TASP1: variants seen among roughly 807,000 people sequenced by gnomAD.
The protein encoded by TASP1 is taspase 1.
In TASP1, 16 loss-of-function variants were observed where a neutral mutation model predicts 56.6. That is an observed-to-expected ratio of 0.28 (90% CI 0.19 to 0.43). The LOEUF (loss-of-function observed/expected upper bound fraction) is 0.43. Ranked by LOEUF, TASP1 falls within the 20% of genes least tolerant of loss-of-function variation. TASP1 has a pLI of 1.00. For missense variants in TASP1, 393 were observed against 511.6 expected (o/e 0.77, Z 2.24); for synonymous variants, 179 against 184.2 (o/e 0.97, Z 0.23).
the TASP1 span, among the ~76,000 whole-genome samples, chr20:13,176,015 A>G: frequency 5.9e-5 from 9 of 152,234 alleles, no homozygotes; most frequent in Non-Finnish European, 1.0e-4. Flanking sequence ...AGAAATGTCA[A>G]AATATAATAA....
At chr20:13,363,075 G>A in the TASP1 span, among the ~76,000 whole-genome samples, 2 of 151,912 alleles carry the variant, frequency 1.3e-5, no homozygotes, top group African/African-American at 4.8e-5. Context: ...GTGAACCTGA[G>A]TGATAGGAGT....
At chr20:13,498,326 TTCTTTTG>T (rs1208515722) in intron 10 of TASP1, among the ~76,000 whole-genome samples, 5 of 141,586 alleles carry the variant, frequency 3.5e-5, no homozygotes, top group Non-Finnish European at 7.6e-5. Context: ...ACTTTTTCTT[TTCTTTTG>T]TGTGTGTGTG....
the TASP1 span, among the ~76,000 whole-genome samples, chr20:13,297,439 G>A: frequency 6.6e-6 from 1 of 152,134 alleles, no homozygotes; most frequent in African/African-American, 2.4e-5. Context: ...TCTGTTTCCT[G>A]AAATCACTTC....
chr20:13,299,613 GT>G, the TASP1 span: 13 of 759,708 alleles, frequency 1.7e-5, no homozygotes, highest in Non-Finnish European at 2.7e-5. The surrounding 1 kb of genome is among the most constrained non-coding windows in gnomAD (Gnocchi z 5.8). Context: ...CTAGGGGCGT[GT>G]GCCACGCCCA....
chr20:13,330,283 A>G, the TASP1 span, among the ~76,000 whole-genome samples: 1 of 152,122 alleles, frequency 6.6e-6, no homozygotes, highest in Non-Finnish European at 1.5e-5. Context: ...TTCTGTATCT[A>G]TTGATATAGT....
At chr20:13,354,936 A>C in the TASP1 span, among the ~76,000 whole-genome samples, 1 of 152,252 alleles carries the variant, frequency 6.6e-6, no homozygotes, top group Non-Finnish European at 1.5e-5. Flanking sequence ...AACCAAATAA[A>C]ACATTGTATG....
intron 4 of TASP1, among the ~76,000 whole-genome samples, chr20:13,617,405 A>T (rs763404853): frequency 1.6e-4 from 25 of 152,208 alleles, no homozygotes; most frequent in Non-Finnish European, 3.2e-4. Context: ...CCCCTTACAG[A>T]GAATAAAAGA....
chr20:13,394,314 A>AAAAAAAAAAAAAAAAAAAGAAAAAAAAAG (rs2041427703), intron 13 of TASP1, among the ~76,000 whole-genome samples: 1 of 149,226 alleles, frequency 6.7e-6, no homozygotes, highest in African/African-American at 2.5e-5. Flanking sequence ...TCTCAAAAAA[A>AAAAAAAAAAAAAAAAAAAGAAAAAAAAAG]AAAAAAAAAA....
At chr20:13,463,155 G>A (rs777672626) in intron 11 of TASP1, among the ~76,000 whole-genome samples, 9 of 152,070 alleles carry the variant, frequency 5.9e-5, no homozygotes, top group Non-Finnish European at 8.8e-5. Context: ...GTATGGTAAT[G>A]GCATAAAGAC....
chr20:13,212,114 G>A, the TASP1 span, among the ~76,000 whole-genome samples: 2 of 152,118 alleles, frequency 1.3e-5, no homozygotes, highest in Non-Finnish European at 2.9e-5. Context: ...AAGCATTATA[G>A]GAATTCTTTA....
At chr20:13,542,711 T>C (rs1351561944) in intron 8 of TASP1, among the ~76,000 whole-genome samples, 1 of 151,856 alleles carries the variant, frequency 6.6e-6, no homozygotes, top group Non-Finnish European at 1.5e-5. Context: ...AATTAAAAGA[T>C]TAAAAATTCT....
chr20:13,396,602 C>CAAAAA (rs71334120), intron 13 of TASP1, among the ~76,000 whole-genome samples: 1 of 151,534 alleles, frequency 6.6e-6, no homozygotes. Flanking sequence ...GTTAATGAAT[C>CAAAAA]AAAAAAAAGT....
At chr20:13,501,069 A>G (rs2146643549) in intron 10 of TASP1, among the ~76,000 whole-genome samples, 1 of 152,226 alleles carries the variant, frequency 6.6e-6, no homozygotes, top group East Asian at 1.9e-4. Flanking sequence ...TAGTGGGATG[A>G]CATTTTTTAA....
chr20:13,621,178 C>G (rs369880813), intron 4 of TASP1, among the ~76,000 whole-genome samples: 4 of 152,150 alleles, frequency 2.6e-5, no homozygotes, highest in African/African-American at 9.6e-5. Context: ...AATCGCAGCA[C>G]TTTGGGAGGC....
chr20:13,135,572 CACTT>C, the TASP1 span, among the ~76,000 whole-genome samples: 28 of 152,310 alleles, frequency 1.8e-4, no homozygotes, highest in Non-Finnish European at 3.2e-4. Flanking sequence ...TCTTACCAAG[CACTT>C]ACTTTGCCTA....
the TASP1 span, chr20:13,164,733 T>G: frequency 6.3e-7 from 1 of 1,598,052 alleles, no homozygotes. Flanking sequence ...TGATAGCTAT[T>G]GGAAAGCAAT....
chr20:13,437,565 A>G (rs1331446981), intron 11 of TASP1, among the ~76,000 whole-genome samples: 1 of 152,208 alleles, frequency 6.6e-6, no homozygotes, highest in African/African-American at 2.4e-5. Context: ...GAGGAAATCA[A>G]ATTGTCCCTG....
the TASP1 span, among the ~76,000 whole-genome samples, chr20:13,278,151 C>T: frequency 2.0e-5 from 3 of 152,170 alleles, no homozygotes; most frequent in Non-Finnish European, 4.4e-5. Flanking sequence ...TATGCGATGG[C>T]CAAAGGAACC....
At chr20:13,185,231 A>G in the TASP1 span, among the ~76,000 whole-genome samples, 4 of 152,176 alleles carry the variant, frequency 2.6e-5, no homozygotes, top group African/African-American at 9.7e-5. Context: ...TATGAATAAT[A>G]TAAGTTGTGT....
Sources: allele counts gnomAD v4.1 joint callset (sites outside exome capture counted in the v4.1 genomes callset), GRCh38; gene constraint gnomAD v4.1.1; non-coding constraint Gnocchi (gnomAD v3.1); transcripts MANE v1.5; gene names NCBI Gene and HGNC (gene_info 2026-07-23, HGNC 2026-07-21).